MBNL2: variants seen among roughly 807,000 people sequenced by gnomAD.
The protein encoded by MBNL2 is muscleblind like splicing regulator 2.
In MBNL2, 17 loss-of-function variants were observed where a neutral mutation model predicts 41.9. That is an observed-to-expected ratio of 0.41 (90% CI 0.28 to 0.61). The LOEUF (loss-of-function observed/expected upper bound fraction) is 0.61. Among genes scored for constraint, MBNL2 ranks in the 20% least tolerant of loss-of-function variants. The probability of loss-of-function intolerance (pLI) is 0.35; values close to 1 mark genes in which losing one functional copy is unlikely to be tolerated. For missense variants in MBNL2, 336 were observed against 505.6 expected, an observed-to-expected ratio of 0.66 and a Z score of 3.22; for synonymous variants, 195 against 182.9, an observed-to-expected ratio of 1.07 and a Z score of -0.53.
At chr13:97,235,879 A>G (rs911723674) in intron 1 of MBNL2, among the ~76,000 whole-genome samples, 8 of 134,380 alleles carry the variant, frequency 6.0e-5, no homozygotes, top group Non-Finnish European at 1.3e-4. Flanking sequence ...TTACAAACAG[A>G]AAAAAAAAAA....
chr13:97,207,798 A>C, the MBNL2 span, among the ~76,000 whole-genome samples: 1 of 152,242 alleles, frequency 6.6e-6, no homozygotes, highest in African/African-American at 2.4e-5. Context: ...ATCCAAGACA[A>C]GGCAAGTCCC....
chr13:97,382,992 G>A (rs915794929), intron 8 of MBNL2, among the ~76,000 whole-genome samples: 1 of 152,106 alleles, frequency 6.6e-6, no homozygotes, highest in Non-Finnish European at 1.5e-5. Flanking sequence ...ATATGTCTTT[G>A]CTTAAAACAC....
the MBNL2 span, among the ~76,000 whole-genome samples, chr13:97,212,251 T>C: frequency 6.6e-6 from 1 of 152,128 alleles, no homozygotes; most frequent in Non-Finnish European, 1.5e-5. Context: ...GGGGTTTGAA[T>C]ATTCTGCTTG....
intron 7 of MBNL2, among the ~76,000 whole-genome samples, chr13:97,361,708 C>G (rs1419817547): frequency 4.6e-5 from 7 of 151,882 alleles, no homozygotes; most frequent in South Asian, 2.1e-4. Context: ...CAAGACACCC[C>G]CCTCCACACT....
intron 2 of MBNL2, among the ~76,000 whole-genome samples, chr13:97,283,519 T>C (rs1371787001): frequency 1.3e-5 from 2 of 152,194 alleles, no homozygotes; most frequent in Admixed American, 6.5e-5. Flanking sequence ...TGTTGTTGTT[T>C]TTCAGGTTGT....
intron 1 of MBNL2, among the ~76,000 whole-genome samples, chr13:97,253,878 T>A (rs890227667): frequency 6.6e-6 from 1 of 152,086 alleles, no homozygotes; most frequent in Non-Finnish European, 1.5e-5. Flanking sequence ...TTTTTTTTTT[T>A]AGGAATTTTC....
chr13:97,251,732 A>G (rs952009515), intron 1 of MBNL2, among the ~76,000 whole-genome samples: 8 of 152,140 alleles, frequency 5.3e-5, no homozygotes, highest in Non-Finnish European at 1.2e-4. Flanking sequence ...GAGTTTATAA[A>G]TAAATTTATT....
At chr13:97,236,466 G>GTT (rs1357725077) in intron 1 of MBNL2, among the ~76,000 whole-genome samples, 1 of 151,062 alleles carries the variant, frequency 6.6e-6, no homozygotes, top group African/African-American at 2.4e-5. Context: ...ATGTACAGAT[G>GTT]TGTTCACTTT....
chr13:97,251,663 T>C (rs2046530389), intron 1 of MBNL2, among the ~76,000 whole-genome samples: 1 of 152,162 alleles, frequency 6.6e-6, no homozygotes, highest in South Asian at 2.1e-4. Context: ...CTTTTTCCCT[T>C]TGTGGATTAT....
At chr13:97,165,126 C>A in the MBNL2 span, among the ~76,000 whole-genome samples, 1 of 152,106 alleles carries the variant, frequency 6.6e-6, no homozygotes, top group Non-Finnish European at 1.5e-5. Context: ...ATTGCTTGAA[C>A]CAGGAAGGTG....
intron 2 of MBNL2, among the ~76,000 whole-genome samples, chr13:97,296,867 C>T (rs1354953951): frequency 6.6e-6 from 1 of 152,080 alleles, no homozygotes; most frequent in East Asian, 1.9e-4. Context: ...TGACTCATTG[C>T]CATTTAAATA....
chr13:97,199,162 C>T, the MBNL2 span, among the ~76,000 whole-genome samples: 1 of 152,142 alleles, frequency 6.6e-6, no homozygotes, highest in Non-Finnish European at 1.5e-5. Context: ...TTTGCATTTG[C>T]CATTCTCTCT....
At chr13:97,276,483 T>C in intron 2 of MBNL2, 74 bp downstream of exon 2, 1 of 1,363,574 alleles carries the variant, frequency 7.3e-7, no homozygotes, top group Non-Finnish European at 1.0e-6. Flanking sequence ...CATTGCATTT[T>C]TACAGAAGTT....
At chr13:97,260,685 T>G (rs2048448120) in intron 1 of MBNL2, among the ~76,000 whole-genome samples, 1 of 152,136 alleles carries the variant, frequency 6.6e-6, no homozygotes, top group African/African-American at 2.4e-5. Context: ...TGTCACTGTC[T>G]AGTGGGTTTT....
intron 8 of MBNL2, among the ~76,000 whole-genome samples, chr13:97,376,822 TAAAAAA>T (rs2065004830): frequency 6.6e-6 from 1 of 151,894 alleles, no homozygotes; most frequent in South Asian, 2.1e-4. Flanking sequence ...CTACAAAACA[TAAAAAA>T]GAAAAATTAT....
At chr13:97,305,653 G>A (rs1402903163) in intron 2 of MBNL2, among the ~76,000 whole-genome samples, 1 of 152,004 alleles carries the variant, frequency 6.6e-6, no homozygotes, top group Non-Finnish European at 1.5e-5. Flanking sequence ...TAGTTCCAGT[G>A]ACTCGGGAAG....
chr13:97,370,946 A>G (rs1453250872), intron 8 of MBNL2, among the ~76,000 whole-genome samples: 2 of 152,222 alleles, frequency 1.3e-5, no homozygotes, highest in South Asian at 4.1e-4. Flanking sequence ...ATCTGAGTCC[A>G]TTGACCAAGG....
At chr13:97,365,068 A>T in intron 7 of MBNL2, 68 bp from the exon 8 acceptor site, 1 of 985,284 alleles carries the variant, frequency 1.0e-6, no homozygotes, top group Non-Finnish European at 1.7e-6. Flanking sequence ...TTTGAATGTT[A>T]ACTCTAAACC....
At chr13:97,195,985 G>A in the MBNL2 span, among the ~76,000 whole-genome samples, 1 of 152,144 alleles carries the variant, frequency 6.6e-6, no homozygotes, top group African/African-American at 2.4e-5. Flanking sequence ...TATAAGTGCT[G>A]CATTCGTTTT....
Sources: allele counts gnomAD v4.1 joint callset (sites outside exome capture counted in the v4.1 genomes callset), GRCh38; gene constraint gnomAD v4.1.1; transcripts MANE v1.5; gene names NCBI Gene and HGNC (gene_info 2026-07-23, HGNC 2026-07-21).